ROBO2: variants seen among roughly 807,000 people sequenced by gnomAD.
ROBO2 encodes roundabout homolog 2.
Under a neutral mutation model 160.8 loss-of-function variants are expected in ROBO2, and 53 were observed. That is an observed-to-expected ratio of 0.33 (90% confidence interval 0.26 to 0.41). ROBO2 has a LOEUF of 0.41. Ranked by LOEUF, ROBO2 falls within the 10% of genes least tolerant of loss-of-function variation. The pLI is 1.00. For synonymous variants in ROBO2, 664 were observed against 611.7 expected, an observed-to-expected ratio of 1.09 and a Z score of -1.26; for missense variants, 1,577 against 1,722.4, an observed-to-expected ratio of 0.92 and a Z score of 1.49.
chr3:77,527,302 A>G, intron 6 of ROBO2, 101 bp from the exon 7 acceptor site: 2 of 829,792 alleles, frequency 2.4e-6, no homozygotes, highest in South Asian at 3.1e-5. Flanking sequence ...TCTATTGTCC[A>G]TACTTAAATG....
chr3:77,611,229 C>T (rs756845613), intron 21 of ROBO2, among the ~76,000 whole-genome samples: 24 of 149,116 alleles, frequency 1.6e-4, no homozygotes, highest in African/African-American at 3.2e-4. Context: ...ACCTGGGAGG[C>T]GGAATTCGCA....
At chr3:77,006,884 T>C (rs7426692) in intron 2 of ROBO2, among the ~76,000 whole-genome samples, 50,398 of 152,062 alleles carry the variant, frequency 0.33, 8,931 homozygotes, top group East Asian at 0.65. Context: ...TTTATTACTT[T>C]AAGTTAAAAA....
chr3:76,965,345 A>C (rs1180870803), intron 2 of ROBO2, among the ~76,000 whole-genome samples: 2 of 152,032 alleles, frequency 1.3e-5, no homozygotes, highest in Non-Finnish European at 2.9e-5. Context: ...TGGATGTGTA[A>C]AGCTACACTC....
chr3:76,714,724 C>T lies in ROBO2; in HGVS notation c.110-383290C>T, dbSNP rs981319499. Among the ~76,000 whole-genome samples, 8 of 152,108 alleles carry T rather than the reference C, an allele frequency of 5.3e-5. No homozygotes were observed. In the South Asian group the frequency reaches 1.0e-3, roughly 20 times the overall value. On this transcript the variant is annotated intron_variant, in intron 2 of 26. Coordinates refer to the ROBO2 transcript ENST00000487694. Reference sequence around the variant, plus strand: ...CAGACTTAAGTAGGATAAAGATATACATTAAAATAGTACACAAATCTATTG... The same window carrying T: ...CAGACTTAAGTAGGATAAAGATATATATTAAAATAGTACACAAATCTATTG...
chr3:77,628,092 T>C (rs1218214823), intron 23 of ROBO2, among the ~76,000 whole-genome samples: 2 of 152,206 alleles, frequency 1.3e-5, no homozygotes, highest in East Asian at 3.8e-4. Flanking sequence ...CTTGAATACA[T>C]TTGAGATTTT....
chr3:75,935,376 G>A (rs1947724205), intron 1 of ROBO2, among the ~76,000 whole-genome samples: 1 of 152,026 alleles, frequency 6.6e-6, no homozygotes, highest in Non-Finnish European at 1.5e-5. Flanking sequence ...GCCGGGGATG[G>A]TGGTGCGTGC....
intron 2 of ROBO2, among the ~76,000 whole-genome samples, chr3:76,515,174 A>C (rs1219713077): frequency 6.6e-6 from 1 of 152,118 alleles, no homozygotes; most frequent in Admixed American, 6.6e-5. Context: ...TGATTTCCTT[A>C]ATTTGCAGCT....
At chr3:76,183,105 A>C (rs530860847) in intron 2 of ROBO2, among the ~76,000 whole-genome samples, 1 of 152,224 alleles carries the variant, frequency 6.6e-6, no homozygotes, top group African/African-American at 2.4e-5. Context: ...GCTGTCATTC[A>C]CATATCTGGT....
At chr3:77,299,029 A>T (rs373275455) in intron 2 of ROBO2, among the ~76,000 whole-genome samples, 2 of 152,298 alleles carry the variant, frequency 1.3e-5, no homozygotes, top group East Asian at 3.9e-4. Context: ...AAAAAGGTAG[A>T]ATTTAAATTA....
chr3:77,038,904 A>G (rs2063800885), upstream of ROBO2, among the ~76,000 whole-genome samples: 1 of 152,068 alleles, frequency 6.6e-6, no homozygotes, highest in Non-Finnish European at 1.5e-5. Context: ...CCCAGAGCCT[A>G]TGTTTACCGA....
intron 2 of ROBO2, among the ~76,000 whole-genome samples, chr3:76,008,307 A>G (rs192141508): frequency 3.3e-5 from 5 of 150,700 alleles, no homozygotes; most frequent in African/African-American, 9.7e-5. Flanking sequence ...AGTAATTTCT[A>G]TTTGTGCTGG....
intron 2 of ROBO2, among the ~76,000 whole-genome samples, chr3:76,500,761 T>C (rs946806395): frequency 4.8e-4 from 73 of 152,222 alleles, no homozygotes; most frequent in Non-Finnish European, 3.2e-4. Flanking sequence ...AAGTTGGATA[T>C]CTTTGCATGG....
intron 2 of ROBO2, among the ~76,000 whole-genome samples, chr3:77,368,428 A>T (rs1329650703): frequency 6.6e-6 from 1 of 152,162 alleles, no homozygotes. Context: ...CATGTCTGTG[A>T]CATGAAGTTG....
At chr3:77,329,000 C>G (rs891323777) in intron 2 of ROBO2, among the ~76,000 whole-genome samples, 44 of 152,166 alleles carry the variant, frequency 2.9e-4, no homozygotes, top group Admixed American at 5.2e-4. Context: ...TCCTTGCGTT[C>G]TCTTGTCAAA....
At chr3:77,335,147 A>G (rs1374792748) in intron 2 of ROBO2, among the ~76,000 whole-genome samples, 3 of 152,194 alleles carry the variant, frequency 2.0e-5, no homozygotes, top group Non-Finnish European at 4.4e-5. Context: ...AAGTTTGGGC[A>G]TGGTGGCTCA....
At chr3:76,139,682 T>C (rs998308977) in intron 2 of ROBO2, among the ~76,000 whole-genome samples, 1 of 152,062 alleles carries the variant, frequency 6.6e-6, no homozygotes, top group Non-Finnish European at 1.5e-5. Flanking sequence ...AAAGCAGTTA[T>C]AAAACCTTTA....
At chr3:77,614,061 G>T (rs1035047365) in intron 21 of ROBO2, among the ~76,000 whole-genome samples, 1 of 152,156 alleles carries the variant, frequency 6.6e-6, no homozygotes, top group East Asian at 1.9e-4. Context: ...ATTTGAGCAG[G>T]AGATTCTTGT....
chr3:76,857,325 T>G (rs1260166584), intron 2 of ROBO2, among the ~76,000 whole-genome samples: 2 of 152,174 alleles, frequency 1.3e-5, no homozygotes, highest in Non-Finnish European at 2.9e-5. Context: ...CCCAGTTCCT[T>G]TTTGTAATTG....
intron 2 of ROBO2, among the ~76,000 whole-genome samples, chr3:76,316,199 A>T (rs1259776574): frequency 6.6e-6 from 1 of 152,118 alleles, no homozygotes; most frequent in Non-Finnish European, 1.5e-5. Flanking sequence ...CTGACCTGAA[A>T]TTTACCAGGG....
Sources: gnomAD v4.1 joint callset for allele counts (sites outside exome capture counted in the v4.1 genomes callset) on GRCh38, gnomAD v4.1.1 for gene constraint, MANE v1.5 for transcripts, NCBI Gene and HGNC (gene_info 2026-07-23, HGNC 2026-07-21) for gene names.